The following BPGM variants were observed in gnomAD, a reference collection of about 807,000 sequenced individuals.
BPGM encodes bisphosphoglycerate mutase.
BPGM carries 15 observed loss-of-function variants against 21.6 expected under a neutral mutation model. The ratio of observed to expected loss-of-function variants is 0.70; its 90% CI spans 0.47 to 1.07. The LOEUF (loss-of-function observed/expected upper bound fraction) is 1.07. BPGM is among the 50% of genes least tolerant of loss of function. The probability of loss-of-function intolerance (pLI) is 0.00; values close to 1 mark genes in which losing one functional copy is unlikely to be tolerated. For missense variants in BPGM, 273 were observed against 319.0 expected (o/e 0.86, Z 1.10); for synonymous variants, 113 against 116.2 (o/e 0.97, Z 0.18).
chr7:134,649,690 C>T (rs1447799357), intron 1 of BPGM, among the ~76,000 whole-genome samples: 1 of 152,192 alleles, frequency 6.6e-6, no homozygotes, highest in African/African-American at 2.4e-5. Context: ...TAAATGTTAA[C>T]CACTTCATTA....
Position 134,661,663 on chromosome 7 carries a change from T to C in BPGM, c.156T>C (p.Phe52=). 6.2e-7 allele frequency: 1 copy of C among 1,614,184 alleles called. No homozygotes were observed. Among genetic ancestry groups the C allele is most frequent in the Non-Finnish European group, 8.5e-7 (1 of 1,180,034 alleles). The part of the protein sequence containing the change: ...GKQLKALNFE[F]DLVFTSVLNR... ...AACTCAAAGCGTTAAACTTTGAGTT[T>C]GATCTTGTATTCACATCTGTCCTTA... Residue 52 remains phenylalanine, a synonymous_variant, in exon 2 of 3, where the codon TTT becomes TTC. Coordinates refer to ENST00000344924, the MANE Select transcript of BPGM (RefSeq NM_001724.5). This position sits in a 1 kb window ranked among gnomAD's most constrained non-coding sequence, Gnocchi z 4.6.
intron 1 of BPGM, among the ~76,000 whole-genome samples, chr7:134,655,570 A>G (rs1795623582): frequency 6.6e-6 from 1 of 152,220 alleles, no homozygotes; most frequent in African/African-American, 2.4e-5. Context: ...GATTATGGCC[A>G]TCCATGAACA....
intron 1 of BPGM, among the ~76,000 whole-genome samples, chr7:134,649,115 TTA>T (rs1432730195): frequency 6.6e-6 from 1 of 152,258 alleles, no homozygotes; most frequent in Non-Finnish European, 1.5e-5. Flanking sequence ...CATTTATCCT[TTA>T]TGTTTCAAAC....
intron 2 of BPGM, among the ~76,000 whole-genome samples, chr7:134,667,568 G>A (rs973951115): frequency 2.6e-5 from 4 of 152,144 alleles, no homozygotes; most frequent in South Asian, 2.1e-4. Context: ...AAATGAAGAC[G>A]TTAGCTTTCA....
intron 2 of BPGM, 67 bp downstream of exon 2, chr7:134,662,175 T>G: frequency 6.3e-7 from 1 of 1,599,528 alleles, no homozygotes; most frequent in Non-Finnish European, 8.5e-7. Context: ...ATCTAGAAAT[T>G]AAGCTAATGA....
intron 1 of BPGM, chr7:134,658,798 G>C (rs1795681468): frequency 6.6e-6 from 1 of 152,016 alleles, no homozygotes; most frequent in Admixed American, 6.6e-5. Context: ...CTGCGTAAAT[G>C]TATTCCTGTG....
At chr7:134,654,540 G>A (rs1368859752) in intron 1 of BPGM, among the ~76,000 whole-genome samples, 1 of 152,168 alleles carries the variant, frequency 6.6e-6, no homozygotes, top group Non-Finnish European at 1.5e-5. Flanking sequence ...AATGGTGGTT[G>A]AGGATTCAAA....
chr7:134,676,043 ATTG>A (rs1379690250), intron 2 of BPGM, among the ~76,000 whole-genome samples: 1 of 152,070 alleles, frequency 6.6e-6, no homozygotes, highest in Non-Finnish European at 1.5e-5. Context: ...CCTTTTCTGT[ATTG>A]TTCTTATATC....
chr7:134,662,978 T>C (rs1437780846), intron 2 of BPGM, among the ~76,000 whole-genome samples: 1 of 152,228 alleles, frequency 6.6e-6, no homozygotes, highest in Admixed American at 6.5e-5. Flanking sequence ...GATTTCTCGT[T>C]TCCCTCTCTG....
At chr7:134,649,006 C>A (rs1159639926) in intron 1 of BPGM, among the ~76,000 whole-genome samples, 3 of 151,926 alleles carry the variant, frequency 2.0e-5, no homozygotes, top group Non-Finnish European at 4.4e-5. Context: ...TTTGTGGGTA[C>A]CTAGTAGGTG....
intron 1 of BPGM, 26 bp downstream of exon 1, chr7:134,646,963 T>A (rs1267702354): frequency 6.1e-6 from 1 of 164,886 alleles, no homozygotes; most frequent in Non-Finnish European, 1.4e-5. Flanking sequence ...TTAGAAAATG[T>A]TGCGAACGTT....
intron 1 of BPGM, chr7:134,658,637 A>G (rs971570149): frequency 2.6e-5 from 4 of 152,268 alleles, no homozygotes; most frequent in Non-Finnish European, 5.9e-5. Flanking sequence ...TGAAGTTTCT[A>G]TGTTTGCAAG....
chr7:134,668,329 C>T (rs1447087731), intron 2 of BPGM, among the ~76,000 whole-genome samples: 1 of 152,174 alleles, frequency 6.6e-6, no homozygotes, highest in East Asian at 1.9e-4. Flanking sequence ...GGCTTTAAAA[C>T]TTTTTTCTAA....
intron 1 of BPGM, among the ~76,000 whole-genome samples, chr7:134,654,127 T>TATACAC (rs1554410579): frequency 4.0e-5 from 6 of 150,378 alleles, no homozygotes; most frequent in East Asian, 2.0e-4. Flanking sequence ...GAGTTTTAGG[T>TATACAC]ACACACACAC....
intron 2 of BPGM, among the ~76,000 whole-genome samples, chr7:134,677,028 T>A (rs1795991606): frequency 6.6e-6 from 1 of 152,214 alleles, no homozygotes; most frequent in African/African-American, 2.4e-5. Context: ...CTGTAGTTTG[T>A]GATGGTAATC....
intron 1 of BPGM, among the ~76,000 whole-genome samples, chr7:134,655,561 A>T (rs17167978): frequency 0.12 from 18,555 of 152,192 alleles, 1,270 homozygotes; most frequent in Middle Eastern, 0.2. Context: ...TTCTGTGGAG[A>T]TTATGGCCAT....
chr7:134,670,910 G>A (rs575676908), intron 2 of BPGM, among the ~76,000 whole-genome samples: 1 of 151,864 alleles, frequency 6.6e-6, no homozygotes, highest in South Asian at 2.1e-4. Context: ...CATCTCTTCT[G>A]GTTTTCTAAA....
rs1795736655 is a variant in BPGM, at chr7:134,661,749, T to C, written c.242T>C (p.Val81Ala). The change falls in exon 2 of 3, where the codon GTG (valine) becomes GCG (alanine). Residue 81 changes from valine to alanine, a missense_variant. By Grantham distance (64) the Val-to-Ala change is moderately conservative. Coordinates refer to ENST00000344924, the MANE Select transcript of BPGM (RefSeq NM_001724.5). This position sits in a 1 kb window ranked among gnomAD's most constrained non-coding sequence, Gnocchi z 4.6. ...LEELGQEWVP[V>A]ESSWRLNERH... ...GAGCTAGGCCAGGAATGGGTGCCTGTGGAAAGCTCCTGGCGTCTAAATGAG... is the reference window on the plus strand; with the variant it reads ...GAGCTAGGCCAGGAATGGGTGCCTGCGGAAAGCTCCTGGCGTCTAAATGAG... 6.2e-7 allele frequency: 1 copy of C among 1,614,014 alleles called. No homozygotes were observed. The highest frequency in any genetic ancestry group is 1.3e-5 in the African/African-American group (1 of 74,924).
chr7:134,670,052 G>A (rs149311913), intron 2 of BPGM, among the ~76,000 whole-genome samples: 91 of 152,244 alleles, frequency 6.0e-4, no homozygotes, highest in African/African-American at 2.1e-3. Flanking sequence ...TCCTGCTGGC[G>A]CACGTCCAAG....
Sources: allele counts gnomAD v4.1 joint callset (sites outside exome capture counted in the v4.1 genomes callset), GRCh38; gene constraint gnomAD v4.1.1; non-coding constraint Gnocchi (gnomAD v3.1); transcripts MANE v1.5; gene names NCBI Gene and HGNC (gene_info 2026-07-23, HGNC 2026-07-21).